TENM4: variants seen among roughly 807,000 people sequenced by gnomAD.
TENM4 encodes the protein teneurin transmembrane protein 4.
In TENM4, 82 loss-of-function variants were observed where a neutral mutation model predicts 243.3. The observed-to-expected ratio is 0.34, with a 90% CI of 0.28 to 0.40. The LOEUF (loss-of-function observed/expected upper bound fraction) is 0.40, where lower values mean the gene tolerates loss of function less well. TENM4 is among the 10% of genes least tolerant of loss of function. The pLI is 1.00. For synonymous variants in TENM4, 1,412 were observed against 1,456.3 expected (o/e 0.97, Z 0.69); for missense variants, 3,138 against 3,673.3 (o/e 0.85, Z 3.77).
At chr11:79,262,956 C>T (rs1281894725) in intron 2 of TENM4, among the ~76,000 whole-genome samples, 1 of 152,256 alleles carries the variant, frequency 6.6e-6, no homozygotes, top group African/African-American at 2.4e-5. Flanking sequence ...TCTCCCTTCC[C>T]TAACACCTTT....
At chr11:79,310,332 T>C (rs1856698275) in intron 1 of TENM4, among the ~76,000 whole-genome samples, 1 of 152,172 alleles carries the variant, frequency 6.6e-6, no homozygotes, top group East Asian at 1.9e-4. Flanking sequence ...AAGTCTAAGA[T>C]AATAAGACTT....
chr11:79,420,198 T>C (rs938621692), intron 1 of TENM4, among the ~76,000 whole-genome samples: 1 of 152,226 alleles, frequency 6.6e-6, no homozygotes, highest in Admixed American at 6.5e-5. Context: ...TTTTTTAACA[T>C]GTTAAATCCT....
At chr11:78,823,809 C>T (rs1243499340) in intron 12 of TENM4, among the ~76,000 whole-genome samples, 6 of 152,112 alleles carry the variant, frequency 3.9e-5, no homozygotes, top group Non-Finnish European at 5.9e-5. Flanking sequence ...CCCCTTGCAA[C>T]GGAAAAAACT....
chr11:79,164,583 CAT>C (rs550081377), intron 3 of TENM4, among the ~76,000 whole-genome samples: 1 of 124,204 alleles, frequency 8.1e-6, no homozygotes, highest in African/African-American at 3.3e-5. Context: ...TATATATATA[CAT>C]ATATATATCT....
Position 79,424,590 on chromosome 11 carries a change from A to G in TENM4, c.-321+15919T>C, listed in dbSNP as rs777703893. ...CAAGGCTGCAGTGAGCCCTAATCAC[A>G]TCACTGCACTCCAGCCTGGGCAATA... On this transcript the variant is annotated intron_variant, in intron 1 of 33. Transcript: ENST00000278550. 1.7e-3 allele frequency among the ~76,000 whole-genome samples: 260 copies of G among 152,038 alleles called. 1 individual carries two copies. The highest frequency in any genetic ancestry group is 1.5e-3 in the Non-Finnish European group (103 of 67,976).
chr11:79,084,341 G>GAACACTAAA (rs1272919303), intron 4 of TENM4, among the ~76,000 whole-genome samples: 1 of 152,192 alleles, frequency 6.6e-6, no homozygotes, highest in Non-Finnish European at 1.5e-5. Context: ...TGCAATTACT[G>GAACACTAAA]TACAACCTAG....
chr11:79,133,183 C>T (rs1293068927), intron 4 of TENM4, among the ~76,000 whole-genome samples: 3 of 151,966 alleles, frequency 2.0e-5, no homozygotes, highest in African/African-American at 2.4e-5. Context: ...CAACTGACAC[C>T]ACTGAAATAC....
chr11:78,684,186 AC>A (rs1179863864), intron 29 of TENM4, among the ~76,000 whole-genome samples: 1 of 152,220 alleles, frequency 6.6e-6, no homozygotes, highest in Non-Finnish European at 1.5e-5. Flanking sequence ...TGTGAGAGGC[AC>A]TATGGCACAG....
chr11:78,726,341 T>C, intron 22 of TENM4, 119 bp from the exon 23 acceptor site: 1 of 1,252,614 alleles, frequency 8.0e-7, no homozygotes, highest in Non-Finnish European at 1.1e-6. Flanking sequence ...GGGTCATATT[T>C]CTAAGTGGCA....
At chr11:78,953,302 G>T (rs898200517) in intron 6 of TENM4, among the ~76,000 whole-genome samples, 7 of 152,198 alleles carry the variant, frequency 4.6e-5, no homozygotes, top group African/African-American at 1.4e-4. Context: ...TCACCCAGGA[G>T]GGGGAGGGGG....
intron 2 of TENM4, among the ~76,000 whole-genome samples, chr11:79,280,260 A>G (rs939575058): frequency 3.3e-5 from 5 of 152,138 alleles, no homozygotes; most frequent in African/African-American, 9.7e-5. Flanking sequence ...CTCAAGTCAG[A>G]GTTCACTGCA....
At chr11:79,171,653 C>T (rs1863042878) in intron 3 of TENM4, among the ~76,000 whole-genome samples, 1 of 152,118 alleles carries the variant, frequency 6.6e-6, no homozygotes, top group Non-Finnish European at 1.5e-5. Context: ...TCTTGGAAGA[C>T]AATCAGACAG....
At chr11:79,257,268 GT>G (rs1855716429) in intron 2 of TENM4, among the ~76,000 whole-genome samples, 1 of 152,078 alleles carries the variant, frequency 6.6e-6, no homozygotes, top group Admixed American at 6.5e-5. Context: ...GTCCCAAAGG[GT>G]TGTTATGCCA....
At chr11:79,020,891 A>G (rs546508571) in intron 6 of TENM4, among the ~76,000 whole-genome samples, 100 of 152,292 alleles carry the variant, frequency 6.6e-4, no homozygotes, top group African/African-American at 2.3e-3. Flanking sequence ...AGGGAAAGAA[A>G]AACAACTGTT....
intron 6 of TENM4, among the ~76,000 whole-genome samples, chr11:79,010,239 G>A (rs1858608222): frequency 6.6e-6 from 1 of 152,088 alleles, no homozygotes; most frequent in Admixed American, 6.5e-5. Context: ...CTTTTCATGT[G>A]CCAAGCACTA....
chr11:79,135,192 A>G (rs973075000), intron 4 of TENM4, among the ~76,000 whole-genome samples: 5 of 152,180 alleles, frequency 3.3e-5, no homozygotes, highest in Non-Finnish European at 7.4e-5. Context: ...AAGGACACGA[A>G]CAGGCAATTC....
intron 12 of TENM4, among the ~76,000 whole-genome samples, chr11:78,844,457 C>T (rs150709426): frequency 0.011 from 1,612 of 152,276 alleles, 10 homozygotes; most frequent in Non-Finnish European, 0.016. Flanking sequence ...TCCTGGCCAA[C>T]ATGGTGAAAC....
intron 12 of TENM4, among the ~76,000 whole-genome samples, chr11:78,838,846 A>G (rs1014027341): frequency 6.6e-6 from 1 of 150,696 alleles, no homozygotes; most frequent in African/African-American, 2.4e-5. Flanking sequence ...GCAGGCTAAA[A>G]CTCCTTCTCT....
chr11:78,896,974 C>G (rs193218051), intron 7 of TENM4, among the ~76,000 whole-genome samples: 5 of 152,300 alleles, frequency 3.3e-5, no homozygotes, highest in Non-Finnish European at 4.4e-5. Context: ...TGGCCCTGGG[C>G]TGGCATCTGG....
Sources: allele counts gnomAD v4.1 joint callset (sites outside exome capture counted in the v4.1 genomes callset), GRCh38; gene constraint gnomAD v4.1.1; transcripts MANE v1.5; gene names NCBI Gene and HGNC (gene_info 2026-07-23, HGNC 2026-07-21).